Variants in TRAK1 observed in about 807,000 individuals in gnomAD.
The protein encoded by TRAK1 is trafficking kinesin protein 1.
In TRAK1, 33 loss-of-function variants were observed where a neutral mutation model predicts 92.1. The observed-to-expected ratio is 0.36, with a 90% CI of 0.27 to 0.48. The LOEUF is 0.48. TRAK1 is among the 20% of genes least tolerant of loss of function. The pLI, the probability that TRAK1 is intolerant of heterozygous loss-of-function variation, is 0.99. For missense variants in TRAK1, 1,123 were observed against 1,257.9 expected (o/e 0.89, Z 1.62); for synonymous variants, 521 against 517.3 (o/e 1.01, Z -0.10).
upstream of TRAK1, among the ~76,000 whole-genome samples, chr3:42,090,846 G>T (rs1704987868): frequency 1.3e-5 from 2 of 152,176 alleles, no homozygotes; most frequent in African/African-American, 4.8e-5. Flanking sequence ...CACTGGCTTG[G>T]TAAACAGGAG....
chr3:42,167,411 C>T (rs1299630351), intron 2 of TRAK1, among the ~76,000 whole-genome samples: 3 of 152,144 alleles, frequency 2.0e-5, no homozygotes, highest in African/African-American at 7.2e-5. Context: ...CCTGCTGTAA[C>T]CATTTTTGAC....
intron 1 of TRAK1, among the ~76,000 whole-genome samples, chr3:42,093,499 GT>G (rs1218535911): frequency 2.0e-5 from 3 of 151,714 alleles, no homozygotes; most frequent in Non-Finnish European, 2.9e-5. Context: ...TCATTTGTAA[GT>G]TTTTTTCCAT....
intron 1 of TRAK1, among the ~76,000 whole-genome samples, chr3:42,074,768 G>T (rs1164539655): frequency 6.6e-6 from 1 of 151,632 alleles, no homozygotes; most frequent in Non-Finnish European, 1.5e-5. Flanking sequence ...CAGGGGATTG[G>T]TGTACAGATA....
intron 5 of TRAK1, among the ~76,000 whole-genome samples, chr3:42,188,477 G>A (rs1033000700): frequency 6.6e-6 from 1 of 152,214 alleles, no homozygotes; most frequent in Non-Finnish European, 1.5e-5. Context: ...TGCTGTGGCA[G>A]GTCCTTGGGA....
intron 1 of TRAK1, among the ~76,000 whole-genome samples, chr3:42,068,150 ACT>A (rs1158562815): frequency 6.6e-6 from 1 of 150,960 alleles, no homozygotes; most frequent in African/African-American, 2.4e-5. Flanking sequence ...AGAGAGCGAG[ACT>A]CTGTCTAAAA....
intron 1 of TRAK1, among the ~76,000 whole-genome samples, chr3:42,113,613 C>G (rs1290286514): frequency 2.0e-5 from 3 of 152,114 alleles, no homozygotes; most frequent in Non-Finnish European, 4.4e-5. Flanking sequence ...CGGGGTTTCA[C>G]TATGTTGGCT....
chr3:42,156,734 A>G (rs1161514438), intron 2 of TRAK1, among the ~76,000 whole-genome samples: 1 of 152,262 alleles, frequency 6.6e-6, no homozygotes, highest in East Asian at 1.9e-4. Flanking sequence ...CTCAAAGTAT[A>G]TCACCATGAA....
intron 1 of TRAK1, among the ~76,000 whole-genome samples, chr3:42,032,057 C>T (rs1469283440): frequency 6.6e-6 from 1 of 152,178 alleles, no homozygotes; most frequent in East Asian, 1.9e-4. Context: ...GAATCAGCTC[C>T]TTCACCCGCA....
intron 9 of TRAK1, 56 bp from the exon 10 acceptor site, chr3:42,194,748 T>G (rs1425170226): frequency 6.3e-7 from 1 of 1,590,538 alleles, no homozygotes; most frequent in African/African-American, 1.3e-5. Flanking sequence ...TGGGCAGATG[T>G]GTGTACACCT....
chr3:42,115,957 G>A (rs1347654275), intron 1 of TRAK1, among the ~76,000 whole-genome samples: 3 of 152,122 alleles, frequency 2.0e-5, no homozygotes, highest in African/African-American at 7.2e-5. Context: ...TTAGATCTGG[G>A]TCTCCTCATT....
chr3:42,090,664 C>A (rs1576290250), upstream of TRAK1, among the ~76,000 whole-genome samples: 1 of 152,222 alleles, frequency 6.6e-6, no homozygotes, highest in Admixed American at 6.5e-5. Context: ...GCCTTGGCGA[C>A]AGAGTGAGAC....
intron 1 of TRAK1, among the ~76,000 whole-genome samples, chr3:42,029,435 T>C (rs566747264): frequency 6.6e-6 from 1 of 150,720 alleles, no homozygotes; most frequent in East Asian, 2.0e-4. Flanking sequence ...AGAGATGGGG[T>C]CTCACTATGT....
intron 1 of TRAK1, among the ~76,000 whole-genome samples, chr3:42,122,790 G>A (rs1425037237): frequency 6.6e-6 from 1 of 152,166 alleles, no homozygotes; most frequent in Non-Finnish European, 1.5e-5. Context: ...CTCTGCCTGG[G>A]GGAGGACATA....
intron 2 of TRAK1, among the ~76,000 whole-genome samples, chr3:42,176,053 A>C (rs1019838028): frequency 6.6e-6 from 1 of 152,224 alleles, no homozygotes; most frequent in Non-Finnish European, 1.5e-5. Context: ...ATGTATCTTT[A>C]GCAGACAAAA....
At chr3:42,171,596 ACTCCCTGAG>A (rs1702565179) in intron 2 of TRAK1, among the ~76,000 whole-genome samples, 1 of 151,468 alleles carries the variant, frequency 6.6e-6, no homozygotes, top group African/African-American at 2.4e-5. Flanking sequence ...CAGCCCCACC[ACTCCCTGAG>A]CTCTGCTCCT....
At chr3:42,190,879 C>T (rs1182992933) in intron 6 of TRAK1, among the ~76,000 whole-genome samples, 6 of 151,952 alleles carry the variant, frequency 3.9e-5, no homozygotes, top group Non-Finnish European at 7.4e-5. Context: ...GCAGCCCTCC[C>T]ATCTCGGCCT....
chr3:42,090,265 A>T (rs1704939067), upstream of TRAK1, among the ~76,000 whole-genome samples: 1 of 152,270 alleles, frequency 6.6e-6, no homozygotes, highest in Non-Finnish European at 1.5e-5. Context: ...GTCCAAACAC[A>T]TGAATTGATC....
intron 2 of TRAK1, among the ~76,000 whole-genome samples, chr3:42,143,250 A>G (rs899487790): frequency 3.4e-5 from 5 of 148,296 alleles, no homozygotes; most frequent in South Asian, 2.2e-4. Flanking sequence ...AAACTTCTCA[A>G]TTTGTTTTCT....
In TRAK1 at chr3:42,193,127, G is replaced by T. The variant is rs764620575; in HGVS notation, c.822G>T (p.Thr274=). ...ASISEELAKK[T]EDAARQQEEI... ...TCTCAGAGGAACTGGCCAAGAAGACGGAAGATGCTGCCCGCCAGCAAGAGG... is the reference window on the plus strand; with the variant it reads ...TCTCAGAGGAACTGGCCAAGAAGACTGAAGATGCTGCCCGCCAGCAAGAGG... The change falls in exon 8 of 16, where the codon ACG becomes ACT. Residue 274 remains threonine, a synonymous_variant. Coordinates refer to ENST00000327628, the MANE Select transcript of TRAK1 (RefSeq NM_001042646.3). 2 of 1,614,190 alleles carry T rather than the reference G, an allele frequency of 1.2e-6. No individual in the cohort carries two copies. Among genetic ancestry groups the T allele is most frequent in the South Asian group, 2.2e-5 (2 of 91,084 alleles).
Sources: allele counts gnomAD v4.1 joint callset (sites outside exome capture counted in the v4.1 genomes callset), GRCh38; gene constraint gnomAD v4.1.1; transcripts MANE v1.5; gene names NCBI Gene and HGNC (gene_info 2026-07-23, HGNC 2026-07-21).